The following TENM3 variants were observed in gnomAD, a reference collection of about 807,000 sequenced individuals.
TENM3 encodes the protein teneurin-3.
A neutral mutation model predicts 255.1 loss-of-function variants in TENM3; 63 were observed. That is an observed-to-expected ratio of 0.25 (90% CI 0.20 to 0.30). TENM3 has a LOEUF of 0.30. Ranked by LOEUF, TENM3 falls within the 10% of genes least tolerant of loss-of-function variation. TENM3 has a pLI of 1.00. For synonymous variants in TENM3, 1,306 were observed against 1,322.3 expected, an observed-to-expected ratio of 0.99 and a Z score of 0.27; for missense variants, 2,929 against 3,461.1, an observed-to-expected ratio of 0.85 and a Z score of 3.86.
intron 3 of TENM3, among the ~76,000 whole-genome samples, chr4:182,513,487 A>G (rs1379606847): frequency 6.6e-6 from 1 of 152,046 alleles, no homozygotes. Context: ...CTACCTATTT[A>G]AAGATCCTGA....
upstream of TENM3, among the ~76,000 whole-genome samples, chr4:182,241,018 C>A (rs572473702): frequency 1.3e-5 from 2 of 152,326 alleles, no homozygotes; most frequent in African/African-American, 4.8e-5. Context: ...CTCAAGGATG[C>A]CTGCTTGCAT....
chr4:182,336,475 G>T (rs555397586), intron 2 of TENM3, among the ~76,000 whole-genome samples: 1 of 152,270 alleles, frequency 6.6e-6, no homozygotes, highest in South Asian at 2.1e-4. Flanking sequence ...TTCACAGAGG[G>T]TGCATTTGAG....
At chr4:182,267,484 A>T in intron 1 of TENM3, among the ~76,000 whole-genome samples, 1 of 152,184 alleles carries the variant, frequency 6.6e-6, no homozygotes. Context: ...TAGGGAACCA[A>T]CCTCATACCT....
chr4:181,930,941 A>G, the TENM3 span, among the ~76,000 whole-genome samples: 1 of 152,200 alleles, frequency 6.6e-6, no homozygotes, highest in Admixed American at 6.5e-5. Context: ...TAGATGCAGA[A>G]AAGGCCTTTG....
In TENM3 at chr4:182,333,501, G is replaced by T. The variant is rs917116345; in HGVS notation, c.232+9249G>T. ...GAAAACCATGATCTTATCAATAGATGATTTACACGTTTTGGAAAAAATTTA... is the reference window on the plus strand; with the variant it reads ...GAAAACCATGATCTTATCAATAGATTATTTACACGTTTTGGAAAAAATTTA... On this transcript the variant is annotated intron_variant, in intron 2 of 27. Coordinates refer to ENST00000511685, the MANE Select transcript of TENM3 (RefSeq NM_001080477.4). Among the ~76,000 whole-genome samples, 3 of 152,090 alleles carry T rather than the reference G, an allele frequency of 2.0e-5. No homozygotes were observed. The South Asian group carries it at 6.2e-4, about 32-fold the overall frequency.
the TENM3 span, among the ~76,000 whole-genome samples, chr4:181,956,057 A>T: frequency 6.6e-6 from 1 of 152,160 alleles, no homozygotes; most frequent in African/African-American, 2.4e-5. Context: ...TCCACAATCA[A>T]GGCAGATTTT....
At chr4:182,232,360 G>A (rs1756635234) in intron 1 of TENM3, among the ~76,000 whole-genome samples, 1 of 152,156 alleles carries the variant, frequency 6.6e-6, no homozygotes, top group African/African-American at 2.4e-5. Context: ...CAGATATATG[G>A]GAACTTTAGC....
the TENM3 span, among the ~76,000 whole-genome samples, chr4:181,579,673 T>C: frequency 1.6e-4 from 24 of 152,330 alleles, no homozygotes; most frequent in Middle Eastern, 3.4e-3. Flanking sequence ...GCATCTTTTT[T>C]CAGAAATGCA....
chr4:182,492,055 G>T (rs1735347422), intron 3 of TENM3, among the ~76,000 whole-genome samples: 1 of 152,156 alleles, frequency 6.6e-6, no homozygotes, highest in Non-Finnish European at 1.5e-5. Flanking sequence ...GATGGATGGG[G>T]ACAGAGTATA....
At chr4:182,258,866 A>G (rs1758601587) in intron 1 of TENM3, among the ~76,000 whole-genome samples, 1 of 152,234 alleles carries the variant, frequency 6.6e-6, no homozygotes, top group Admixed American at 6.5e-5. Flanking sequence ...TGAGAAGGAC[A>G]AAGCTTTGGT....
At chr4:181,920,083 A>C in the TENM3 span, among the ~76,000 whole-genome samples, 6 of 151,828 alleles carry the variant, frequency 4.0e-5, no homozygotes, top group East Asian at 1.2e-3. Context: ...TTATGGCTGC[A>C]TAGTATTCCA....
chr4:181,625,380 T>G, the TENM3 span, among the ~76,000 whole-genome samples: 1 of 152,196 alleles, frequency 6.6e-6, no homozygotes, highest in Non-Finnish European at 1.5e-5. Context: ...TTGTGAGAAG[T>G]GCAGAGATTT....
At chr4:181,865,705 A>G in the TENM3 span, among the ~76,000 whole-genome samples, 7 of 152,188 alleles carry the variant, frequency 4.6e-5, no homozygotes, top group Non-Finnish European at 8.8e-5. Context: ...TATTTTCATC[A>G]TAGACACTTT....
upstream of TENM3, chr4:182,142,835 C>CT (rs1015173471): frequency 6.0e-6 from 1 of 166,758 alleles, no homozygotes; most frequent in Non-Finnish European, 1.5e-5. Context: ...CGCCCCACCT[C>CT]TGCCGCCGCC....
the TENM3 span, among the ~76,000 whole-genome samples, chr4:181,531,899 G>A: frequency 4.6e-5 from 7 of 152,284 alleles, no homozygotes; most frequent in East Asian, 5.8e-4. Context: ...GGGAGGTACC[G>A]TGCACTTAGA....
intron 1 of TENM3, among the ~76,000 whole-genome samples, chr4:182,207,098 C>T (rs905303820): frequency 1.3e-5 from 2 of 152,174 alleles, no homozygotes; most frequent in African/African-American, 4.8e-5. Context: ...ATTAAGAAAG[C>T]TACATGTATG....
the TENM3 span, among the ~76,000 whole-genome samples, chr4:182,105,225 T>C: frequency 6.6e-6 from 1 of 152,058 alleles, no homozygotes; most frequent in Non-Finnish European, 1.5e-5. Context: ...ATAAAAATAA[T>C]AATGACAATG....
rs560520517 is a variant in TENM3, at chr4:182,601,109, G to A, written c.697G>A (p.Val233Ile). 37 of 1,613,768 alleles carry A rather than the reference G, an allele frequency of 2.3e-5. No homozygotes were observed. The highest frequency in any genetic ancestry group is 1.2e-4 in the Admixed American group (7 of 60,000). The change falls in exon 4 of 28, where the codon GTC becomes ATC. Residue 233 changes from valine (V) to isoleucine (I), a missense_variant. By Grantham distance (29) the Val-to-Ile change is conservative. This residue lies in a region of TENM3 where 1,608 missense variants were observed against 1,884.4 expected (regional missense o/e 0.85). Coordinates refer to ENST00000511685, the MANE Select transcript of TENM3 (RefSeq NM_001080477.4). ...PAELQTTPES[V>I]QLQDSWVLGS... ...CGAGCTGCAAACCACACCCGAGTCC[G>A]TCCAGCTGCAGGACAGCTGGGTCCT...
chr4:182,549,937 GA>G (rs1741835559), intron 3 of TENM3, among the ~76,000 whole-genome samples: 1 of 152,154 alleles, frequency 6.6e-6, no homozygotes, highest in Non-Finnish European at 1.5e-5. Flanking sequence ...GGTTCATTTA[GA>G]AATTGCAATT....
Sources: gnomAD v4.1 joint callset for allele counts (sites outside exome capture counted in the v4.1 genomes callset) on GRCh38, gnomAD v4.1.1 for gene constraint, gnomAD v4.1.1 regional missense constraint, MANE v1.5 for transcripts, NCBI Gene and HGNC (gene_info 2026-07-23, HGNC 2026-07-21) for gene names.